CHERP: variants seen among roughly 807,000 people sequenced by gnomAD.
CHERP encodes ERPROT 213-21.
CHERP carries 8 observed loss-of-function variants against 113.8 expected under a neutral mutation model. The ratio of observed to expected loss-of-function variants is 0.07; its 90% CI spans 0.04 to 0.13. The LOEUF (loss-of-function observed/expected upper bound fraction) is 0.13, where lower values mean the gene tolerates loss of function less well. Among genes scored for constraint, CHERP ranks in the 10% least tolerant of loss-of-function variants. CHERP has a pLI of 1.00. For synonymous variants in CHERP, 559 were observed against 524.5 expected (o/e 1.07, Z -0.90); for missense variants, 884 against 1,298.2 (o/e 0.68, Z 4.90).
chr19:16,535,652 G>A lies in CHERP; in HGVS notation c.200-16C>T. On this transcript the variant is annotated splice_polypyrimidine_tract_variant and intron_variant, in intron 2 of 16. Coordinates refer to ENST00000546361, the MANE Select transcript of CHERP (RefSeq NM_006387.6). This position sits in a 1 kb window ranked among gnomAD's most constrained non-coding sequence, Gnocchi z 4.3. ...TTGCAGATGACTGGAGGGAGAGGAG[G>A]AGGGGTGCCCCATGAGAATGCAGAT... The A allele has an allele frequency of 3.4e-6, 5 of 1,491,706 alleles. No homozygotes were observed. Among genetic ancestry groups the A allele is most frequent in the South Asian group, 2.7e-5 (2 of 75,074 alleles). The allele number at this position is 1,491,706 out of a possible 1,614,324, so 92.4% of individuals were successfully genotyped here.
At position 16,523,539 on chromosome 19, in the gene CHERP, A is replaced by C. The variant is rs1221997413; in HGVS notation, c.1742-249T>G. ...GAGAGAAGAGAACCCCAAAACCCCA[A>C]AACTGCACGGTGAGGGCTAAGTTGT... On this transcript the variant is annotated intron_variant, in intron 10 of 16. Coordinates refer to ENST00000546361, the MANE Select transcript of CHERP (RefSeq NM_006387.6). This position sits in a 1 kb window ranked among gnomAD's most constrained non-coding sequence, Gnocchi z 4.0. 6.6e-6 allele frequency among the ~76,000 whole-genome samples: 1 copy of C among 152,092 alleles called. No homozygotes were observed. The highest frequency in any genetic ancestry group is 2.4e-5 in the African/African-American group (1 of 41,420).
chr19:16,540,758 C>T (rs1207935877), intron 2 of CHERP, among the ~76,000 whole-genome samples: 3 of 146,902 alleles, frequency 2.0e-5, no homozygotes, highest in East Asian at 2.0e-4. Context: ...AGTGCAATGG[C>T]GTGGTCTTGG....
Position 16,523,386 on chromosome 19 carries a change from C to T in CHERP, c.1742-96G>A, listed in dbSNP as rs995061522. On this transcript the variant is annotated intron_variant, in intron 10 of 16. Coordinates refer to ENST00000546361, the MANE Select transcript of CHERP (RefSeq NM_006387.6). The surrounding 1 kb of genome is among the most constrained non-coding windows in gnomAD (Gnocchi z 4.0). ...AGGGGCTCAGTGAAGGGCCAGGAGA[C>T]GAACCCCTCCTGGGAGCCTGTCCAG... 4.4e-5 allele frequency: 61 copies of T among 1,401,168 alleles called. No individual in the cohort carries two copies. The East Asian group carries it at 5.4e-4, about 12-fold the overall frequency. 86.8% of individuals were successfully genotyped at this position (1,401,168 alleles called of 1,614,324 possible). A position where few individuals can be genotyped will look rare whatever the true frequency, so the allele number is the denominator to read the frequency against.
At chr19:16,542,137 A>AC (rs2085784299) in intron 1 of CHERP, 94 bp from the exon 2 acceptor site, 4 of 1,406,344 alleles carry the variant, frequency 2.8e-6, no homozygotes, top group African/African-American at 1.5e-5. Flanking sequence ...CTTGCCGGGG[A>AC]CCCCAAGGGG....
In CHERP at chr19:16,523,324, C is replaced by A. The variant is rs375080317; in HGVS notation, c.1742-34G>T. The A allele has an allele frequency of 6.1e-5, 98 of 1,597,074 alleles. No homozygotes were observed. Among genetic ancestry groups the A allele is most frequent in the Non-Finnish European group, 8.2e-5 (96 of 1,173,618 alleles). ...CAGAGACTTGCCTCAGGACCACAGGCCAGTCAGGATCTCCCAGGCGACAAG... is the reference window on the plus strand; with the variant it reads ...CAGAGACTTGCCTCAGGACCACAGGACAGTCAGGATCTCCCAGGCGACAAG... On this transcript the variant is annotated intron_variant, in intron 10 of 16. Transcript: ENST00000546361. The surrounding 1 kb of genome is among the most constrained non-coding windows in gnomAD (Gnocchi z 4.0).
At chr19:16,534,552 T>C (rs2085728666) in intron 3 of CHERP, among the ~76,000 whole-genome samples, 1 of 152,116 alleles carries the variant, frequency 6.6e-6, no homozygotes, top group African/African-American at 2.4e-5. Flanking sequence ...TCTCAGCTCA[T>C]GCAACCTTTT....
chr19:16,520,667 G>A lies in CHERP; in HGVS notation c.2201+159C>T, dbSNP rs148484490. 195 of 1,136,788 alleles carry A rather than the reference G, an allele frequency of 1.7e-4. 1 individual carries two copies. In the East Asian group the frequency reaches 4.3e-3, roughly 25 times the overall value. The allele number at this position is 1,136,788 out of a possible 1,614,324, so 70.4% of individuals were successfully genotyped here. A position where few individuals can be genotyped will look rare whatever the true frequency, so the allele number is the denominator to read the frequency against. On this transcript the variant is annotated intron_variant, in intron 13 of 16. Coordinates refer to ENST00000546361, the MANE Select transcript of CHERP (RefSeq NM_006387.6). This position sits in a 1 kb window ranked among gnomAD's most constrained non-coding sequence, Gnocchi z 4.0. ...TACCAAGTTCCTAAATAGTGTGGCC[G>A]AGCCTGCTGCTGTGTGAATTCAGGC...
Position 16,519,680 on chromosome 19 carries a change from G to C in CHERP, c.2498C>G (p.Pro833Arg). 1 of 1,613,970 alleles carries C rather than the reference G, an allele frequency of 6.2e-7. No homozygotes were observed. The highest frequency in any genetic ancestry group is 8.5e-7 in the Non-Finnish European group (1 of 1,179,938). ...SAGLGSNSAP[P>R]IPDSRLGEEN... ...TTCTCCGAGCCTTGAGTCAGGGATG[G>C]GAGGCGCCGAATTAGAACCCAGACC... The change falls in exon 16 of 17, where the codon CCC becomes CGC. Residue 833 changes from proline (P) to arginine (R), a missense_variant. Pro to Arg is a moderately radical substitution (Grantham distance 103). Transcript: ENST00000546361. This position sits in a 1 kb window ranked among gnomAD's most constrained non-coding sequence, Gnocchi z 6.0.
chr19:16,521,680 C>A (rs527500961), intron 11 of CHERP, 26 bp from the exon 12 acceptor site: 2 of 1,546,542 alleles, frequency 1.3e-6, no homozygotes, highest in Non-Finnish European at 1.8e-6. Flanking sequence ...CCAGCTGTCA[C>A]CATGCCTGGG....
Position 16,523,117 on chromosome 19 carries a change from G to A in CHERP, c.1915C>T (p.Pro639Ser), listed in dbSNP as rs916314293. The A allele has an allele frequency of 1.3e-6, 2 of 1,547,058 alleles. No individual in the cohort carries two copies. The highest frequency in any genetic ancestry group is 2.1e-5 in the Admixed American group (1 of 48,052). ...TAGGGCACATTGGGGACCAGGCTGG[G>A]GTCATCGTGGTTGATGTGGGGTGGG... Reference protein sequence around the residue: ...QGPPHINHDDPSLVPNVPYFD... With the variant: ...QGPPHINHDDSSLVPNVPYFD... Residue 639 changes from proline to serine, a missense_variant, in exon 11 of 17, where the codon CCC becomes TCC. Coordinates refer to ENST00000546361, the MANE Select transcript of CHERP (RefSeq NM_006387.6). This position sits in a 1 kb window ranked among gnomAD's most constrained non-coding sequence, Gnocchi z 4.0.
rs1027707631 is a variant in CHERP at position 16,519,539 on chromosome 19, T to C, written c.2557+82A>G. 6 of 1,364,692 alleles carry C rather than the reference T, an allele frequency of 4.4e-6. No homozygotes were observed. The African/African-American group carries it at 7.2e-5, about 16-fold the overall frequency. The allele number at this position is 1,364,692 out of a possible 1,614,324, so 84.5% of individuals were successfully genotyped here. A position where few individuals can be genotyped will look rare whatever the true frequency, so the allele number is the denominator to read the frequency against. ...TGACTCCATCCATCCCCACATGCAC[T>C]GAGGAAGAGAAAGCGCTGGTGACTC... is the stretch of plus-strand genomic sequence containing the variant. On this transcript the variant is annotated intron_variant, in intron 16 of 16. Transcript: ENST00000546361. This position sits in a 1 kb window ranked among gnomAD's most constrained non-coding sequence, Gnocchi z 6.0.
intron 2 of CHERP, among the ~76,000 whole-genome samples, chr19:16,537,457 A>G (rs746207765): frequency 7.3e-5 from 11 of 151,424 alleles, no homozygotes; most frequent in East Asian, 2.0e-4. Context: ...TCCATTCTGG[A>G]TTCCTGAGCT....
intron 2 of CHERP, among the ~76,000 whole-genome samples, chr19:16,538,644 C>T (rs2085756954): frequency 6.6e-6 from 1 of 152,012 alleles, no homozygotes; most frequent in African/African-American, 2.4e-5. Flanking sequence ...GATCTTGCCA[C>T]TGTACTCCAG....
Position 16,530,489 on chromosome 19 carries a change from C to G in CHERP, c.876+96G>C. The G allele has an allele frequency of 8.8e-7, 1 of 1,130,280 alleles. No individual in the cohort carries two copies. Among genetic ancestry groups the G allele is most frequent in the Non-Finnish European group, 1.3e-6 (1 of 749,856 alleles). 70.0% of individuals were successfully genotyped at this position (1,130,280 alleles called of 1,614,324 possible). On this transcript the variant is annotated intron_variant, in intron 7 of 16. Coordinates refer to ENST00000546361, the MANE Select transcript of CHERP (RefSeq NM_006387.6). This position sits in a 1 kb window ranked among gnomAD's most constrained non-coding sequence, Gnocchi z 4.1. ...CAGGCAGGGGACATGGGCTCTCTGG[C>G]TGCTGGGGTGGCAGCTGCTGTCCCC...
rs2085565606 is a variant in CHERP, at chr19:16,518,267, T to A, written c.*892A>T. 1 of 151,878 alleles carries A rather than the reference T, an allele frequency of 6.6e-6. No individual in the cohort carries two copies. Among genetic ancestry groups the A allele is most frequent in the Non-Finnish European group, 1.5e-5 (1 of 68,020 alleles). The allele number at this position is 151,878 out of a possible 1,614,324, so 9.4% of individuals were successfully genotyped here. Reference sequence around the variant, plus strand: ...TGGAAGGCGCTGGCTGGGGTCGGGCTCCATGCTCTGGATGGGACTGGGCCG... The same window carrying A: ...TGGAAGGCGCTGGCTGGGGTCGGGCACCATGCTCTGGATGGGACTGGGCCG... On this transcript the variant is annotated 3_prime_UTR_variant, in exon 17 of 17. Transcript: ENST00000546361.
At chr19:16,536,956 G>A (rs1247629878) in intron 2 of CHERP, among the ~76,000 whole-genome samples, 1 of 152,182 alleles carries the variant, frequency 6.6e-6, no homozygotes, top group Non-Finnish European at 1.5e-5. Flanking sequence ...AGGTTGCAGT[G>A]AGCCGAGATG....
Position 16,532,819 on chromosome 19 carries a change from A to G in CHERP, c.523-70T>C. 2 of 1,562,444 alleles carry G rather than the reference A, an allele frequency of 1.3e-6. No homozygotes were observed. The highest frequency in any genetic ancestry group is 1.7e-6 in the Non-Finnish European group (2 of 1,149,172). On this transcript the variant is annotated intron_variant, in intron 4 of 16. Coordinates refer to ENST00000546361, the MANE Select transcript of CHERP (RefSeq NM_006387.6). The surrounding 1 kb of genome is among the most constrained non-coding windows in gnomAD (Gnocchi z 4.4). ...CCCAGGCACCCACTGCATCCCTGAG[A>G]GCGCGTCACCATCAGCTCAGGGAAG... is the stretch of plus-strand genomic sequence containing the variant.
chr19:16,519,125 C>T lies in CHERP; in HGVS notation c.*34G>A, dbSNP rs542497340. 3.2e-5 allele frequency: 51 copies of T among 1,591,930 alleles called. No individual in the cohort carries two copies. The highest frequency in any genetic ancestry group is 3.3e-4 in the Middle Eastern group (2 of 6,000). The stretch of plus-strand genomic sequence containing the variant: ...GCCAGGAAGGTCCCACAGCCGGCAC[C>T]GCTGGCCACCGGCGCGGCTCCCGGC... On this transcript the variant is annotated 3_prime_UTR_variant, in exon 17 of 17. Transcript: ENST00000546361. The surrounding 1 kb of genome is among the most constrained non-coding windows in gnomAD (Gnocchi z 6.0).
At chr19:16,529,540 G>A in intron 8 of CHERP, 108 bp downstream of exon 8, 1 of 1,368,152 alleles carries the variant, frequency 7.3e-7, no homozygotes. Context: ...CTGGGACGAG[G>A]GAACAAGAAC....
Sources: gnomAD v4.1 joint callset for allele counts (sites outside exome capture counted in the v4.1 genomes callset) on GRCh38, gnomAD v4.1.1 for gene constraint, Gnocchi (gnomAD v3.1) non-coding constraint, MANE v1.5 for transcripts, NCBI Gene and HGNC (gene_info 2026-07-23, HGNC 2026-07-21) for gene names.